PDE4B: variants seen among roughly 807,000 people sequenced by gnomAD.
PDE4B encodes phosphodiesterase 4B, also known as 3',5'-cyclic-AMP phosphodiesterase 4B.
PDE4B carries 20 observed loss-of-function variants against 82.2 expected under a neutral mutation model. The observed-to-expected ratio is 0.24, with a 90% CI of 0.17 to 0.35. The LOEUF (loss-of-function observed/expected upper bound fraction) is 0.35, where lower values mean the gene tolerates loss of function less well. Ranked by LOEUF, PDE4B falls within the 10% of genes least tolerant of loss-of-function variation. The pLI, the probability that PDE4B is intolerant of heterozygous loss-of-function variation, is 1.00. For missense variants in PDE4B, 655 were observed against 907.2 expected (o/e 0.72, Z 3.57); for synonymous variants, 320 against 318.9 (o/e 1.00, Z -0.04).
intron 3 of PDE4B, among the ~76,000 whole-genome samples, chr1:66,040,329 C>T (rs979287215): frequency 1.3e-5 from 2 of 152,086 alleles, no homozygotes; most frequent in East Asian, 3.9e-4. Context: ...AAGTCTCTTG[C>T]AGTAATGCTC....
rs540458584 is a variant in PDE4B, at chr1:66,277,522, A to G, written c.634+11435A>G. ...CCGATTCTCCTGCCTCAGCCTCCCA[A>G]GTAGTTGGGACTACAGGTGTGCGCC... On this transcript the variant is annotated intron_variant, in intron 7 of 16. Transcript: ENST00000341517. 7.2e-5 allele frequency among the ~76,000 whole-genome samples: 11 copies of G among 152,184 alleles called. No homozygotes were observed. The East Asian group carries it at 2.1e-3, about 29-fold the overall frequency.
In PDE4B at chr1:65,798,553, C is replaced by T. The variant is rs1282147914; in HGVS notation, c.-71+5305C>T. ...GATTACAGGCGTGAGCCACCGCGCC[C>T]GGCCGTGCCAGGCTAGTCTTGAACT... On this transcript the variant is annotated intron_variant, in intron 1 of 16. Coordinates refer to ENST00000341517, the MANE Select transcript of PDE4B (RefSeq NM_002600.4). Among the ~76,000 whole-genome samples, 14 of 140,932 alleles carry T rather than the reference C, an allele frequency of 9.9e-5. 6 individuals are homozygous for T. The highest frequency in any genetic ancestry group is 3.5e-4 in the Admixed American group (5 of 14,116). 92.5% of individuals were successfully genotyped at this position (140,932 alleles called of 152,430 possible).
At chr1:66,106,379 G>A (rs547512721) in intron 3 of PDE4B, among the ~76,000 whole-genome samples, 6 of 152,212 alleles carry the variant, frequency 3.9e-5, no homozygotes, top group Admixed American at 2.0e-4. Flanking sequence ...TGTTCATCAA[G>A]GATATTGGTC....
chr1:66,325,394 C>T (rs528538811), intron 7 of PDE4B, among the ~76,000 whole-genome samples: 2 of 152,308 alleles, frequency 1.3e-5, no homozygotes, highest in African/African-American at 4.8e-5. Flanking sequence ...CAATACCACT[C>T]CTGAAGTGTA....
chr1:66,123,397 A>T (rs1645753129), intron 3 of PDE4B, among the ~76,000 whole-genome samples: 1 of 152,150 alleles, frequency 6.6e-6, no homozygotes, highest in African/African-American at 2.4e-5. Flanking sequence ...CGGCACTTTC[A>T]GATTTTTGAA....
chr1:65,924,546 C>G (rs192531076), intron 3 of PDE4B, among the ~76,000 whole-genome samples: 1 of 152,156 alleles, frequency 6.6e-6, no homozygotes, highest in Admixed American at 6.5e-5. Flanking sequence ...AGCAAATAAT[C>G]CCAACATTTA....
At chr1:65,969,494 C>G (rs185833121) in intron 3 of PDE4B, among the ~76,000 whole-genome samples, 2 of 152,246 alleles carry the variant, frequency 1.3e-5, no homozygotes, top group East Asian at 3.9e-4. Flanking sequence ...GGCATTAGCT[C>G]CCTTAATTTG....
At chr1:65,843,790 T>C (rs1037899860) in intron 1 of PDE4B, among the ~76,000 whole-genome samples, 14 of 152,136 alleles carry the variant, frequency 9.2e-5, no homozygotes, top group African/African-American at 3.4e-4. Flanking sequence ...TAAAAGAAGC[T>C]ATAACTTAGC....
At chr1:66,317,486 G>A (rs1659106096) in intron 7 of PDE4B, among the ~76,000 whole-genome samples, 2 of 152,260 alleles carry the variant, frequency 1.3e-5, no homozygotes, top group African/African-American at 4.8e-5. Flanking sequence ...ACATTTTGGT[G>A]TAGATGATAA....
chr1:66,129,717 T>C (rs1173437961), intron 3 of PDE4B, among the ~76,000 whole-genome samples: 2 of 148,908 alleles, frequency 1.3e-5, no homozygotes, highest in Admixed American at 1.3e-4. Context: ...AACCTCTCTG[T>C]AAAATGGGGA....
At chr1:66,171,589 T>G (rs998723480) in intron 3 of PDE4B, among the ~76,000 whole-genome samples, 1 of 152,220 alleles carries the variant, frequency 6.6e-6, no homozygotes, top group African/African-American at 2.4e-5. Flanking sequence ...TGGAACAGCC[T>G]GGGTGGTGTG....
intron 1 of PDE4B, among the ~76,000 whole-genome samples, chr1:65,862,891 G>T (rs1013477524): frequency 2.0e-5 from 3 of 152,124 alleles, no homozygotes; most frequent in Non-Finnish European, 4.4e-5. Context: ...GGGATCAGTG[G>T]TGATACATCC....
Position 66,336,269 on chromosome 1 carries a change from C to T in PDE4B, c.747+3649C>T, listed in dbSNP as rs1660508688. 2.0e-5 allele frequency among the ~76,000 whole-genome samples: 3 copies of T among 152,230 alleles called. No homozygotes were observed. The South Asian group carries it at 6.2e-4, about 32-fold the overall frequency. On this transcript the variant is annotated intron_variant, in intron 8 of 16. Transcript: ENST00000341517. Reference sequence around the variant, plus strand: ...CAGTCAGTAAAGTACAGGGTTGCAACAACAGTGGCTGAGGAAGGACCAACC... The same window carrying T: ...CAGTCAGTAAAGTACAGGGTTGCAATAACAGTGGCTGAGGAAGGACCAACC...
At chr1:65,822,013 T>G (rs954663585) in intron 1 of PDE4B, among the ~76,000 whole-genome samples, 2 of 152,234 alleles carry the variant, frequency 1.3e-5, no homozygotes, top group Admixed American at 1.3e-4. Context: ...TAGCATTTCC[T>G]TCTTCCTCCC....
chr1:66,211,469 T>C (rs1160073398), intron 3 of PDE4B, among the ~76,000 whole-genome samples: 1 of 152,200 alleles, frequency 6.6e-6, no homozygotes, highest in Non-Finnish European at 1.5e-5. Flanking sequence ...ACTCAAATAC[T>C]CTACTTTCCT....
chr1:66,095,010 T>C (rs1645088259), intron 3 of PDE4B, among the ~76,000 whole-genome samples: 1 of 151,888 alleles, frequency 6.6e-6, no homozygotes, highest in Non-Finnish European at 1.5e-5. Flanking sequence ...ACTGGTTAAG[T>C]AAAATTTCCA....
chr1:66,110,419 A>G (rs1308970353), intron 3 of PDE4B, among the ~76,000 whole-genome samples: 1 of 152,032 alleles, frequency 6.6e-6, no homozygotes, highest in Non-Finnish European at 1.5e-5. Flanking sequence ...AAAAAGGTCA[A>G]TGAATGAACA....
chr1:66,020,876 T>C (rs555051839), intron 3 of PDE4B, among the ~76,000 whole-genome samples: 24 of 152,342 alleles, frequency 1.6e-4, no homozygotes, highest in African/African-American at 5.8e-4. Flanking sequence ...TTCTAGATCC[T>C]TGAGGAATCG....
chr1:65,974,870 C>T (rs12085651), intron 3 of PDE4B, among the ~76,000 whole-genome samples: 9,480 of 152,204 alleles, frequency 0.062, 346 homozygotes, highest in Middle Eastern at 0.19. Context: ...AATTATACCT[C>T]TTTTTTTCAT....
Sources: gnomAD v4.1 joint callset for allele counts (sites outside exome capture counted in the v4.1 genomes callset) on GRCh38, gnomAD v4.1.1 for gene constraint, MANE v1.5 for transcripts, NCBI Gene and HGNC (gene_info 2026-07-23, HGNC 2026-07-21) for gene names.